The following KDM3B variants were observed in gnomAD, a reference collection of about 807,000 sequenced individuals.
KDM3B encodes lysine-specific demethylase 3B.
KDM3B carries 10 observed loss-of-function variants against 170.0 expected under a neutral mutation model. That is an observed-to-expected ratio of 0.06 (90% confidence interval 0.04 to 0.10). The LOEUF is 0.10. Ranked by LOEUF, KDM3B falls within the 10% of genes least tolerant of loss-of-function variation. KDM3B has a pLI of 1.00. For synonymous variants in KDM3B, 831 were observed against 834.8 expected (o/e 1.00, Z 0.08); for missense variants, 1,394 against 2,195.2 (o/e 0.64, Z 7.29).
At chr5:138,354,664 A>G (rs1247229645) in intron 1 of KDM3B, among the ~76,000 whole-genome samples, 1 of 152,172 alleles carries the variant, frequency 6.6e-6, no homozygotes. Flanking sequence ...GACACCCACT[A>G]AGCTAAATAC....
chr5:138,355,406 G>A (rs1561751937), intron 1 of KDM3B, among the ~76,000 whole-genome samples: 1 of 152,074 alleles, frequency 6.6e-6, no homozygotes, highest in Non-Finnish European at 1.5e-5. Flanking sequence ...TTGGAAAACA[G>A]TAACAAAGCC....
intron 1 of KDM3B, among the ~76,000 whole-genome samples, chr5:138,354,085 T>A (rs1315408696): frequency 6.6e-6 from 1 of 152,174 alleles, no homozygotes. Flanking sequence ...TTGGAAGTAA[T>A]GTTGTAGGCT....
intron 20 of KDM3B, 100 bp downstream of exon 20, chr5:138,428,186 T>A: frequency 8.2e-7 from 1 of 1,212,926 alleles, no homozygotes; most frequent in Non-Finnish European, 1.1e-6. Flanking sequence ...TTCCTTTTTT[T>A]TTTCTTTTTC....
In KDM3B at chr5:138,377,596, G is replaced by A; in HGVS notation, c.475-124G>A. On this transcript the variant is annotated intron_variant, in intron 3 of 23. Coordinates refer to ENST00000314358, the MANE Select transcript of KDM3B (RefSeq NM_016604.4). ...ATCACCACGCCTAGCCTGAGACTAA[G>A]GTTCTATAGATATTGTTTGGCAAAT... 3 of 638,098 alleles carry A rather than the reference G, an allele frequency of 4.7e-6. No individual in the cohort carries two copies. The South Asian group carries it at 5.7e-5, about 12-fold the overall frequency. 39.5% of individuals were successfully genotyped at this position (638,098 alleles called of 1,614,324 possible). A position where few individuals can be genotyped will look rare whatever the true frequency, so the allele number is the denominator to read the frequency against.
Position 138,372,636 on chromosome 5 carries a change from C to T in KDM3B, c.193-38C>T. On this transcript the variant is annotated intron_variant, in intron 1 of 23. Coordinates refer to ENST00000314358, the MANE Select transcript of KDM3B (RefSeq NM_016604.4). Reference sequence around the variant, plus strand: ...TTTATAAGTATAGTGTGAGATTTTTCCAAGTGTGACTTCCAAACTGCTTTT... The same window carrying T: ...TTTATAAGTATAGTGTGAGATTTTTTCAAGTGTGACTTCCAAACTGCTTTT... 3 of 1,577,346 alleles carry T rather than the reference C, an allele frequency of 1.9e-6. No individual in the cohort carries two copies. The South Asian group carries it at 3.5e-5, about 18-fold the overall frequency.
At position 138,360,887 on chromosome 5, in the gene KDM3B, C is replaced by T. The variant is rs370613807; in HGVS notation, c.192+7900C>T. Among the ~76,000 whole-genome samples the T allele has an allele frequency of 1.1e-4, 16 of 152,142 alleles. No homozygotes were observed. In the East Asian group the frequency reaches 1.7e-3, roughly 16 times the overall value. On this transcript the variant is annotated intron_variant, in intron 1 of 23. Coordinates refer to ENST00000314358, the MANE Select transcript of KDM3B (RefSeq NM_016604.4). ...GATTACAGGCGTGAGCCACCACGCC[C>T]GGCCATTAATTTCCATTTGTTTCTA...
chr5:138,427,415 A>G, intron 19 of KDM3B, 96 bp downstream of exon 19: 1 of 1,376,724 alleles, frequency 7.3e-7, no homozygotes, highest in Non-Finnish European at 1.0e-6. Flanking sequence ...TATAGAGATG[A>G]TTGCAGGCAA....
At chr5:138,388,641 TA>T (rs60280463) in intron 7 of KDM3B, among the ~76,000 whole-genome samples, 185 of 84,634 alleles carry the variant, frequency 2.2e-3, no homozygotes, top group African/African-American at 6.4e-3. Context: ...ACTCCGTCTT[TA>T]AAAAAAAAAA....
At chr5:138,417,363 C>T in intron 12 of KDM3B, 120 bp from the exon 13 acceptor site, 1 of 970,088 alleles carries the variant, frequency 1.0e-6, no homozygotes, top group South Asian at 1.8e-5. Flanking sequence ...GAAGTAAAAG[C>T]AGCTACGTTA....
chr5:138,412,055 G>C (rs1762983531), intron 11 of KDM3B, among the ~76,000 whole-genome samples: 1 of 151,130 alleles, frequency 6.6e-6, no homozygotes, highest in East Asian at 2.0e-4. Context: ...ACACGTAAAA[G>C]CTGGGCACGG....
At position 138,386,090 on chromosome 5, in the gene KDM3B, T is replaced by C. The variant is rs759764306; in HGVS notation, c.849T>C (p.Asp283=). ...KKKRESIEGK[D]GRRRKSASDS... is the part of the protein sequence containing the mutation. Reference sequence around the variant, plus strand: ...AGAGAGAAAGCATAGAGGGGAAAGATGGCCGGAGGAGGAAAAGTGCTTCGG... The same window carrying C: ...AGAGAGAAAGCATAGAGGGGAAAGACGGCCGGAGGAGGAAAAGTGCTTCGG... The change falls in exon 7 of 24, where the codon GAT becomes GAC. Residue 283 remains aspartate, a synonymous_variant. Coordinates refer to ENST00000314358, the MANE Select transcript of KDM3B (RefSeq NM_016604.4). 89 of 1,613,968 alleles carry C rather than the reference T, an allele frequency of 5.5e-5. No homozygotes were observed. The highest frequency in any genetic ancestry group is 6.8e-5 in the Non-Finnish European group (80 of 1,180,030).
intron 11 of KDM3B, among the ~76,000 whole-genome samples, chr5:138,414,453 C>T (rs1465050283): frequency 6.6e-6 from 1 of 152,124 alleles, no homozygotes; most frequent in Non-Finnish European, 1.5e-5. Context: ...GCTTGAGCCA[C>T]TGCGCCCAGC....
intron 19 of KDM3B, 28 bp from the exon 20 acceptor site, chr5:138,427,939 A>C (rs1290001491): frequency 6.2e-7 from 1 of 1,608,006 alleles, no homozygotes; most frequent in Non-Finnish European, 8.5e-7. Flanking sequence ...TTGGCCCTTC[A>C]CCTTGCATAT....
chr5:138,386,679 A>G, intron 7 of KDM3B, 58 bp downstream of exon 7: 2 of 1,550,474 alleles, frequency 1.3e-6, no homozygotes, highest in South Asian at 1.2e-5. Context: ...GCCCTCCTTT[A>G]TTGCTAACAT....
chr5:138,430,526 TG>T, intron 22 of KDM3B, 101 bp downstream of exon 22: 1 of 1,035,580 alleles, frequency 9.7e-7, no homozygotes, highest in Non-Finnish European at 1.4e-6. Flanking sequence ...TGGATTGGAC[TG>T]ATCTCTCTTA....
At chr5:138,394,738 G>A (rs1762509789) in intron 9 of KDM3B, among the ~76,000 whole-genome samples, 1 of 152,298 alleles carries the variant, frequency 6.6e-6, no homozygotes, top group South Asian at 2.1e-4. Flanking sequence ...GTCATTGGAG[G>A]CCTTGAGCTG....
At chr5:138,401,666 T>C (rs7700917) in intron 11 of KDM3B, among the ~76,000 whole-genome samples, 60,608 of 151,818 alleles carry the variant, frequency 0.4, 12,399 homozygotes, top group East Asian at 0.57. Flanking sequence ...CTAGGGCATA[T>C]GACAATTCTA....
chr5:138,409,679 A>C (rs1303945631), intron 11 of KDM3B, among the ~76,000 whole-genome samples: 1 of 152,170 alleles, frequency 6.6e-6, no homozygotes, highest in Non-Finnish European at 1.5e-5. Context: ...GCACTTTGGG[A>C]AACTGAAGTG....
chr5:138,396,238 GGT>G (rs1762543055), intron 9 of KDM3B, among the ~76,000 whole-genome samples: 1 of 152,058 alleles, frequency 6.6e-6, no homozygotes, highest in African/African-American at 2.4e-5. Context: ...TGGGACTACA[GGT>G]GCCCGCCACC....
Sources: allele counts gnomAD v4.1 joint callset (sites outside exome capture counted in the v4.1 genomes callset), GRCh38; gene constraint gnomAD v4.1.1; transcripts MANE v1.5; gene names NCBI Gene and HGNC (gene_info 2026-07-23, HGNC 2026-07-21).